Variants in CEP350 observed in about 807,000 individuals in gnomAD.
CEP350 encodes centrosome-associated protein 350.
CEP350 carries 126 observed loss-of-function variants against 331.8 expected under a neutral mutation model. The ratio of observed to expected loss-of-function variants is 0.38; its 90% CI spans 0.33 to 0.44. The LOEUF is 0.44. Among genes scored for constraint, CEP350 ranks in the 20% least tolerant of loss-of-function variants. The probability of loss-of-function intolerance (pLI) is 1.00; values close to 1 mark genes in which losing one functional copy is unlikely to be tolerated. For missense variants in CEP350, 3,406 were observed against 3,634.6 expected (o/e 0.94, Z 1.62); for synonymous variants, 1,200 against 1,259.5 (o/e 0.95, Z 1.00).
intron 17 of CEP350, among the ~76,000 whole-genome samples, chr1:180,039,626 A>G (rs768190272): frequency 2.2e-4 from 34 of 152,090 alleles, no homozygotes; most frequent in Non-Finnish European, 4.0e-4. Flanking sequence ...CTATTCATCT[A>G]TCTGTAATGT....
At chr1:180,041,316 T>A (rs1656746245) in intron 18 of CEP350, 68 bp downstream of exon 18, 1 of 1,137,236 alleles carries the variant, frequency 8.8e-7, no homozygotes, top group Admixed American at 2.7e-5. Flanking sequence ...TACTTTAGCG[T>A]TCTTTTAATT....
intron 6 of CEP350, among the ~76,000 whole-genome samples, chr1:179,998,958 T>G (rs1479988730): frequency 6.6e-6 from 1 of 152,114 alleles, no homozygotes; most frequent in Admixed American, 6.5e-5. Context: ...TAATAATATT[T>G]TTTATTAATA....
chr1:179,975,586 GAAAC>G (rs1320830457), intron 1 of CEP350, among the ~76,000 whole-genome samples: 3 of 150,066 alleles, frequency 2.0e-5, no homozygotes, highest in African/African-American at 7.6e-5. Flanking sequence ...ATATAATAAA[GAAAC>G]AAAGGTATAA....
At chr1:180,105,464 G>A (rs1462443127) in intron 37 of CEP350, among the ~76,000 whole-genome samples, 2 of 152,102 alleles carry the variant, frequency 1.3e-5, no homozygotes, top group Non-Finnish European at 2.9e-5. Context: ...CCATTTGGAT[G>A]TCTATTAGAC....
intron 27 of CEP350, 88 bp from the exon 28 acceptor site, chr1:180,074,934 T>G: frequency 8.9e-7 from 1 of 1,125,858 alleles, no homozygotes; most frequent in Non-Finnish European, 1.2e-6. Flanking sequence ...GCACAGCTTG[T>G]TGATAAGGTG....
At chr1:179,997,401 G>A (rs1337769017) in intron 6 of CEP350, among the ~76,000 whole-genome samples, 1 of 152,018 alleles carries the variant, frequency 6.6e-6, no homozygotes, top group Non-Finnish European at 1.5e-5. Context: ...AAATTAGCCA[G>A]GCGTGGTGGT....
At chr1:180,047,988 G>T (rs979661210) in intron 21 of CEP350, among the ~76,000 whole-genome samples, 2 of 151,914 alleles carry the variant, frequency 1.3e-5, no homozygotes, top group African/African-American at 4.8e-5. Flanking sequence ...ATAATAGAAA[G>T]TCCTCAAATA....
At chr1:180,035,508 G>A (rs187481240) in intron 16 of CEP350, among the ~76,000 whole-genome samples, 10 of 152,284 alleles carry the variant, frequency 6.6e-5, no homozygotes, top group Non-Finnish European at 1.3e-4. Context: ...TGAAGCTAAT[G>A]CTCATTTACC....
chr1:180,023,724 A>G (rs1424600549), intron 13 of CEP350, among the ~76,000 whole-genome samples: 5 of 152,324 alleles, frequency 3.3e-5, no homozygotes, highest in Admixed American at 2.6e-4. Flanking sequence ...TTACTTGTAC[A>G]TAGTCACATA....
intron 37 of CEP350, among the ~76,000 whole-genome samples, chr1:180,110,396 C>G (rs1002974846): frequency 1.3e-5 from 2 of 152,160 alleles, no homozygotes; most frequent in African/African-American, 2.4e-5. Flanking sequence ...AGCAGCGAGC[C>G]ACAGCTTGCA....
intron 6 of CEP350, among the ~76,000 whole-genome samples, chr1:179,998,309 T>TTC (rs199509319): frequency 0.081 from 11,711 of 143,844 alleles, 632 homozygotes; most frequent in Non-Finnish European, 0.12. Context: ...TTTTCTTTTT[T>TTC]TTTTTTTTTT....
intron 4 of CEP350, among the ~76,000 whole-genome samples, chr1:179,991,665 A>ATGTGTGTGTGTGTG (rs1478542787): frequency 1.5e-5 from 1 of 68,666 alleles, no homozygotes; most frequent in East Asian, 5.1e-4. Context: ...GTATATATAT[A>ATGTGTGTGTGTGTG]TATGTGTGTG....
At chr1:180,041,591 T>C in intron 18 of CEP350, 71 bp from the exon 19 acceptor site, 1 of 1,366,814 alleles carries the variant, frequency 7.3e-7, no homozygotes, top group Non-Finnish European at 9.9e-7. Context: ...AATAAATTTA[T>C]AAATTAAAAT....
In CEP350 at chr1:180,111,887, GT is replaced by G. The variant is rs1016803990; in HGVS notation, c.*728del. The G allele has an allele frequency of 1.3e-5, 2 of 152,574 alleles. No homozygotes were observed. The highest frequency in any genetic ancestry group is 2.9e-5 in the Non-Finnish European group (2 of 68,066). The allele number at this position is 152,574 out of a possible 1,614,324, so 9.5% of individuals were successfully genotyped here. On this transcript the variant is annotated 3_prime_UTR_variant, in exon 38 of 38. Transcript: ENST00000367607. The stretch of plus-strand genomic sequence containing the variant: ...GGCTCAAAGGACCAATGCAGGGCTG[GT>G]TCTTTTACCCCTTGGTTTACTCCTG...
chr1:180,051,647 T>C (rs1657508831), intron 22 of CEP350, among the ~76,000 whole-genome samples: 1 of 152,214 alleles, frequency 6.6e-6, no homozygotes, highest in South Asian at 2.1e-4. Context: ...ATCAGGATAT[T>C]GGGAGTTCCC....
At chr1:180,089,905 G>T (rs1660070311) in intron 32 of CEP350, among the ~76,000 whole-genome samples, 1 of 152,182 alleles carries the variant, frequency 6.6e-6, no homozygotes, top group Non-Finnish European at 1.5e-5. Context: ...TACTCAAGAT[G>T]ATAAAATAGC....
Position 179,960,217 on chromosome 1 carries a change from A to G in CEP350, c.-14+5075A>G, listed in dbSNP as rs142825840. ...ACCCACATTCACTCAGACTGGGACC[A>G]TATAGACATGCCAATTCATGTCAGT... On this transcript the variant is annotated intron_variant, in intron 1 of 37. Transcript: ENST00000367607. 7.9e-3 allele frequency among the ~76,000 whole-genome samples: 969 copies of G among 122,076 alleles called. 7 individuals carry two copies. Among genetic ancestry groups the G allele is most frequent in the Non-Finnish European group, 0.011 (704 of 62,830 alleles). 80.1% of individuals were successfully genotyped at this position (122,076 alleles called of 152,430 possible). A position where few individuals can be genotyped will look rare whatever the true frequency, so the allele number is the denominator to read the frequency against.
At chr1:180,041,514 AGAGTT>A (rs1656756730) in intron 18 of CEP350, 143 bp from the exon 19 acceptor site, 1 of 809,672 alleles carries the variant, frequency 1.2e-6, no homozygotes, top group Non-Finnish European at 1.9e-6. Context: ...TGTGAACAGT[AGAGTT>A]AAGACTTAAA....
intron 1 of CEP350, among the ~76,000 whole-genome samples, chr1:179,975,239 T>C (rs919770623): frequency 2.6e-5 from 4 of 152,156 alleles, no homozygotes; most frequent in Admixed American, 6.5e-5. Flanking sequence ...AAAGTAGTTA[T>C]ACAGTTTTGC....
Sources: allele counts gnomAD v4.1 joint callset (sites outside exome capture counted in the v4.1 genomes callset), GRCh38; gene constraint gnomAD v4.1.1; transcripts MANE v1.5; gene names NCBI Gene and HGNC (gene_info 2026-07-23, HGNC 2026-07-21).